MUC21: variants seen among roughly 807,000 people sequenced by gnomAD.
MUC21 encodes mucin-21.
A neutral mutation model predicts 9.1 loss-of-function variants in MUC21; 8 were observed. The observed-to-expected ratio is 0.88, with a 90% CI of 0.52 to 1.59. The LOEUF is 1.59. Ranked by LOEUF, MUC21 falls within the 40% of genes most tolerant of loss-of-function variation. The pLI, the probability that MUC21 is intolerant of heterozygous loss-of-function variation, is 0.00. For synonymous variants in MUC21, 189 were observed against 275.2 expected (o/e 0.69, Z 3.10); for missense variants, 478 against 694.2 (o/e 0.69, Z 3.50).
At position 30,986,966 on chromosome 6, in the gene MUC21, C is replaced by T. The variant is rs1762348376; in HGVS notation, c.791C>T (p.Ser264Phe). ...ACCAACTCTGAGTCCAGCACGACCT[C>T]CAGTGGGGCCGGCACAGCCACCAAC... ...TATNSESSTTSSGAGTATNSE... is the reference protein window; with the variant it reads ...TATNSESSTTFSGAGTATNSE... The change falls in exon 2 of 3, where the codon TCC becomes TTC. Residue 264 changes from serine to phenylalanine, a missense_variant. Ser to Phe is a radical substitution (Grantham distance 155, BLOSUM62 -2). Transcript: ENST00000376296. 6.3e-7 allele frequency: 1 copy of T among 1,580,378 alleles called. No individual in the cohort carries two copies. The highest frequency in any genetic ancestry group is 1.4e-5 in the African/African-American group (1 of 72,718).
rs1317371542 is a variant in MUC21, at chr6:30,988,419, C to T, written c.*225C>T. 4.0e-6 allele frequency: 2 copies of T among 496,962 alleles called. No individual in the cohort carries two copies. Among genetic ancestry groups the T allele is most frequent in the Middle Eastern group, 5.0e-4 (1 of 2,000 alleles). 30.8% of individuals were successfully genotyped at this position (496,962 alleles called of 1,614,324 possible). A position where few individuals can be genotyped will look rare whatever the true frequency, so the allele number is the denominator to read the frequency against. ...ATAAATACATCTCATCTAACACACACGACAAAGAGAAGCTGTGCGTGCCCC... is the reference window on the plus strand; with the variant it reads ...ATAAATACATCTCATCTAACACACATGACAAAGAGAAGCTGTGCGTGCCCC... On this transcript the variant is annotated 3_prime_UTR_variant, in exon 3 of 3. Coordinates refer to ENST00000376296, the MANE Select transcript of MUC21 (RefSeq NM_001010909.5).
intron 2 of MUC21, 73 bp from the exon 3 acceptor site, chr6:30,987,927 C>G: frequency 1.0e-6 from 1 of 993,094 alleles, no homozygotes; most frequent in South Asian, 1.3e-5. Context: ...GGAGAAGATT[C>G]CAGAAGGCGT....
At chr6:30,987,961 G>A (rs45486491) in intron 2 of MUC21, 39 bp from the exon 3 acceptor site, 37,902 of 993,932 alleles carry the variant, frequency 0.038, 1,110 homozygotes, top group South Asian at 0.086. Context: ...GTGGGAGACA[G>A]GGATGCAATT....
rs776734628 is a variant in MUC21, at chr6:30,986,890, A to G, written c.715A>G (p.Thr239Ala). The G allele has an allele frequency of 2.5e-5, 39 of 1,583,294 alleles. No individual in the cohort carries two copies. Among genetic ancestry groups the G allele is most frequent in the Non-Finnish European group, 2.6e-6 (3 of 1,163,006 alleles). The change falls in exon 2 of 3, where the codon ACA becomes GCA. Residue 239 changes from threonine (T) to alanine (A), a missense_variant. Around this residue, in one of 5 missense-constraint regions of MUC21, gnomAD observed 155 missense variants for 235.2 expected, o/e 0.66. Transcript: ENST00000376296. Reference sequence around the variant, plus strand: ...CAGCACGACCTCCAGTGGGGCCAGCACAGCCACCAACTCTGAGTCCAGCAC... The same window carrying G: ...CAGCACGACCTCCAGTGGGGCCAGCGCAGCCACCAACTCTGAGTCCAGCAC... The part of the protein sequence containing the change: ...ESSTTSSGAS[T>A]ATNSESSTPS...
At position 30,988,352 on chromosome 6, in the gene MUC21, GAC is replaced by G; in HGVS notation, c.*161_*162del. 1 of 638,704 alleles carries G rather than the reference GAC, an allele frequency of 1.6e-6. No individual in the cohort carries two copies. The highest frequency in any genetic ancestry group is 3.0e-5 in the Admixed American group (1 of 33,684). 39.6% of individuals were successfully genotyped at this position (638,704 alleles called of 1,614,324 possible). On this transcript the variant is annotated 3_prime_UTR_variant, in exon 3 of 3. Coordinates refer to ENST00000376296, the MANE Select transcript of MUC21 (RefSeq NM_001010909.5). ...TTCCTCACCTTTCTTGCCTTTACCAGACACTGGAAAGAGAATACTATATTGCT... is the reference window on the plus strand; with the variant it reads ...TTCCTCACCTTTCTTGCCTTTACCAGACTGGAAAGAGAATACTATATTGCT...
Position 30,987,775 on chromosome 6 carries a change from G to A in MUC21, c.1506+94G>A, listed in dbSNP as rs558315652. On this transcript the variant is annotated intron_variant, in intron 2 of 2. Transcript: ENST00000376296. Reference sequence around the variant, plus strand: ...ATAGAAGGGGTCTCAAGTCAGGGGTGGGTAGGGAGGAAGGGAGATCAGGAA... The same window carrying A: ...ATAGAAGGGGTCTCAAGTCAGGGGTAGGTAGGGAGGAAGGGAGATCAGGAA... 1.1e-3 allele frequency: 1,672 copies of A among 1,526,356 alleles called. 5 individuals carry two copies. Among genetic ancestry groups the A allele is most frequent in the Non-Finnish European group, 1.2e-3 (1,361 of 1,142,758 alleles). The allele number at this position is 1,526,356 out of a possible 1,614,324, so 94.6% of individuals were successfully genotyped here.
chr6:30,986,968 A>T lies in MUC21; in HGVS notation c.793A>T (p.Ser265Cys). Residue 265 changes from serine (S) to cysteine (C), a missense_variant, in exon 2 of 3, where the codon AGT becomes TGT. By Grantham distance (112) the Ser-to-Cys change is moderately radical. This residue lies in a region of MUC21 where 155 missense variants were observed against 235.2 expected (regional missense o/e 0.66). Transcript: ENST00000376296. The part of the protein sequence containing the change: ...ATNSESSTTS[S>C]GAGTATNSES... ...CAACTCTGAGTCCAGCACGACCTCC[A>T]GTGGGGCCGGCACAGCCACCAACTC... 6.3e-7 allele frequency: 1 copy of T among 1,579,810 alleles called. No homozygotes were observed. The highest frequency in any genetic ancestry group is 8.6e-7 in the Non-Finnish European group (1 of 1,160,490).
chr6:30,988,344 CT>C lies in MUC21; in HGVS notation c.*153del. 1 of 657,920 alleles carries C rather than the reference CT, an allele frequency of 1.5e-6. No individual in the cohort carries two copies. Among genetic ancestry groups the C allele is most frequent in the Non-Finnish European group, 2.5e-6 (1 of 392,676 alleles). The allele number at this position is 657,920 out of a possible 1,614,324, so 40.8% of individuals were successfully genotyped here. ...AGAAGGTATTCCTCACCTTTCTTGC[CT>C]TTACCAGACACTGGAAAGAGAATAC... On this transcript the variant is annotated 3_prime_UTR_variant, in exon 3 of 3. Coordinates refer to ENST00000376296, the MANE Select transcript of MUC21 (RefSeq NM_001010909.5).
chr6:30,988,521 A>C lies in MUC21; in HGVS notation c.*327A>C. ...TGCTGGACTCCATCTGGCATTCAAA[A>C]TCTCCACAGTAAAATCCAAAGACCT... On this transcript the variant is annotated 3_prime_UTR_variant, in exon 3 of 3. Transcript: ENST00000376296. The C allele has an allele frequency of 3.5e-6, 1 of 283,352 alleles. No homozygotes were observed. Among genetic ancestry groups the C allele is most frequent in the East Asian group, 6.4e-5 (1 of 15,664 alleles). 17.6% of individuals were successfully genotyped at this position (283,352 alleles called of 1,614,324 possible).
Position 30,987,126 on chromosome 6 carries a change from C to T in MUC21, c.951C>T (p.Asn317=), listed in dbSNP as rs41288677. 6 of 1,576,154 alleles carry T rather than the reference C, an allele frequency of 3.8e-6. No individual in the cohort carries two copies. Among genetic ancestry groups the T allele is most frequent in the African/African-American group, 1.4e-5 (1 of 72,362 alleles). The change falls in exon 2 of 3, where the codon AAC becomes AAT. Residue 317 remains asparagine (N), a synonymous_variant. Transcript: ENST00000376296. ...TTSSGANTAT[N]SDSSTTSSGA... ...CCAGTGGGGCCAACACAGCCACCAA[C>T]TCTGACTCCAGCACAACCTCCAGTG...
intron 1 of MUC21, among the ~76,000 whole-genome samples, chr6:30,984,713 G>A (rs1282151472): frequency 2.0e-5 from 3 of 151,904 alleles, no homozygotes; most frequent in African/African-American, 4.8e-5. Context: ...AGTGGCTCAC[G>A]CCTGTAATCT....
At position 30,986,561 on chromosome 6, in the gene MUC21, C is replaced by T. The variant is rs140780370; in HGVS notation, c.386C>T (p.Ser129Phe). 3.9e-4 allele frequency: 610 copies of T among 1,577,062 alleles called. 2 individuals are homozygous for T. The highest frequency in any genetic ancestry group is 2.2e-3 in the Middle Eastern group (13 of 5,876). Residue 129 changes from serine (S) to phenylalanine (F), a missense_variant, in exon 2 of 3, where the codon TCC becomes TTC. Ser to Phe is a radical substitution (Grantham distance 155, BLOSUM62 -2). Around this residue, in one of 5 missense-constraint regions of MUC21, gnomAD observed 53 missense variants for 139.1 expected, o/e 0.38. Coordinates refer to ENST00000376296, the MANE Select transcript of MUC21 (RefSeq NM_001010909.5). ...TATNSESSTP[S>F]SGASTATNSD... ...ACCAACTCTGAGTCCAGCACACCCT[C>T]CAGTGGGGCCAGCACAGCCACCAAC...
In MUC21 at chr6:30,988,323, G is replaced by A; in HGVS notation, c.*129G>A. The A allele has an allele frequency of 2.5e-6, 2 of 807,914 alleles. No homozygotes were observed. Among genetic ancestry groups the A allele is most frequent in the Non-Finnish European group, 3.8e-6 (2 of 526,872 alleles). The allele number at this position is 807,914 out of a possible 1,614,324, so 50.0% of individuals were successfully genotyped here. On this transcript the variant is annotated 3_prime_UTR_variant, in exon 3 of 3. Coordinates refer to ENST00000376296, the MANE Select transcript of MUC21 (RefSeq NM_001010909.5). Reference sequence around the variant, plus strand: ...TTGAGATCCTGAAAATCTTGAAGAAGGTATTCCTCACCTTTCTTGCCTTTA... The same window carrying A: ...TTGAGATCCTGAAAATCTTGAAGAAAGTATTCCTCACCTTTCTTGCCTTTA...
In MUC21 at chr6:30,983,822, AC is replaced by A. The variant is rs1762139163; in HGVS notation, c.-134del. The A allele has an allele frequency of 1.7e-6, 1 of 584,312 alleles. No individual in the cohort carries two copies. Among genetic ancestry groups the A allele is most frequent in the Non-Finnish European group, 3.1e-6 (1 of 326,346 alleles). The allele number at this position is 584,312 out of a possible 1,614,324, so 36.2% of individuals were successfully genotyped here. On this transcript the variant is annotated 5_prime_UTR_variant, in exon 1 of 3. Transcript: ENST00000376296. Reference sequence around the variant, plus strand: ...CTTCCCAGGAACACAAACGTAGGAGACCCACGCTCCTGGAAGCACCAGCCTT... The same window carrying A: ...CTTCCCAGGAACACAAACGTAGGAGACCACGCTCCTGGAAGCACCAGCCTT...
In MUC21 at chr6:30,988,227, G is replaced by A. The variant is rs766521012; in HGVS notation, c.*33G>A. 2 of 1,583,316 alleles carry A rather than the reference G, an allele frequency of 1.3e-6. No homozygotes were observed. Among genetic ancestry groups the A allele is most frequent in the Non-Finnish European group, 1.7e-6 (2 of 1,166,200 alleles). On this transcript the variant is annotated 3_prime_UTR_variant, in exon 3 of 3. Coordinates refer to ENST00000376296, the MANE Select transcript of MUC21 (RefSeq NM_001010909.5). Reference sequence around the variant, plus strand: ...CGGAAGCAAGTGCCGCATTCTTCAGGAAGGAAGAGACCTGGGCACCCAAGA... The same window carrying A: ...CGGAAGCAAGTGCCGCATTCTTCAGAAAGGAAGAGACCTGGGCACCCAAGA...
Position 30,987,682 on chromosome 6 carries a change from G to A in MUC21, c.1506+1G>A. On this transcript the variant is annotated splice_donor_variant, in intron 2 of 2. Transcript: ENST00000376296. LOFTEE classifies it high-confidence loss of function. Reference sequence around the variant, plus strand: ...CTTTGCTGGGCTCTTCTTCTGTGTGGTGAGTGCCTAATATGTAAGAAAATG... The same window carrying A: ...CTTTGCTGGGCTCTTCTTCTGTGTGATGAGTGCCTAATATGTAAGAAAATG... 1 of 1,612,414 alleles carries A rather than the reference G, an allele frequency of 6.2e-7. No individual in the cohort carries two copies. The highest frequency in any genetic ancestry group is 8.5e-7 in the Non-Finnish European group (1 of 1,179,526).
Position 30,983,824 on chromosome 6 carries a change from C to T in MUC21, c.-135C>T. The T allele has an allele frequency of 6.8e-6, 4 of 589,606 alleles. No homozygotes were observed. The highest frequency in any genetic ancestry group is 1.2e-5 in the Non-Finnish European group (4 of 329,008). The allele number at this position is 589,606 out of a possible 1,614,324, so 36.5% of individuals were successfully genotyped here. A position where few individuals can be genotyped will look rare whatever the true frequency, so the allele number is the denominator to read the frequency against. ...TCCCAGGAACACAAACGTAGGAGACCCACGCTCCTGGAAGCACCAGCCTTT... is the reference window on the plus strand; with the variant it reads ...TCCCAGGAACACAAACGTAGGAGACTCACGCTCCTGGAAGCACCAGCCTTT... On this transcript the variant is annotated 5_prime_UTR_variant, in exon 1 of 3. Transcript: ENST00000376296.
At position 30,987,091 on chromosome 6, in the gene MUC21, A is replaced by C; in HGVS notation, c.916A>C (p.Ser306Arg). The change falls in exon 2 of 3, where the codon AGT (serine) becomes CGT (arginine). Residue 306 changes from serine to arginine, a missense_variant. Coordinates refer to ENST00000376296, the MANE Select transcript of MUC21 (RefSeq NM_001010909.5). ...GANTATNSES[S>R]TTSSGANTAT... is the part of the protein sequence containing the mutation. ...CAACACAGCCACCAACTCTGAGTCC[A>C]GTACGACCTCCAGTGGGGCCAACAC... 6.3e-7 allele frequency: 1 copy of C among 1,580,912 alleles called. No homozygotes were observed. The highest frequency in any genetic ancestry group is 8.6e-7 in the Non-Finnish European group (1 of 1,157,872).
Position 30,986,298 on chromosome 6 carries a change from A to C in MUC21, c.123A>C (p.Gly41=). ...CTGGATCCAGTGTGATCTCCAGTGGAGCCAGCACAGCCACCAACTCTGGGT... is the reference window on the plus strand; with the variant it reads ...CTGGATCCAGTGTGATCTCCAGTGGCGCCAGCACAGCCACCAACTCTGGGT... ...ANTGSSVISS[G]ASTATNSGSS... Residue 41 remains glycine (G), a synonymous_variant, in exon 2 of 3, where the codon GGA becomes GGC. Coordinates refer to ENST00000376296, the MANE Select transcript of MUC21 (RefSeq NM_001010909.5). The C allele has an allele frequency of 1.3e-6, 2 of 1,516,064 alleles. No individual in the cohort carries two copies. The highest frequency in any genetic ancestry group is 1.8e-6 in the Non-Finnish European group (2 of 1,100,932). The allele number at this position is 1,516,064 out of a possible 1,614,324, so 93.9% of individuals were successfully genotyped here. A position where few individuals can be genotyped will look rare whatever the true frequency, so the allele number is the denominator to read the frequency against.
Sources: gnomAD v4.1 joint callset for allele counts (sites outside exome capture counted in the v4.1 genomes callset) on GRCh38, gnomAD v4.1.1 for gene constraint, gnomAD v4.1.1 regional missense constraint, MANE v1.5 for transcripts, NCBI Gene and HGNC (gene_info 2026-07-23, HGNC 2026-07-21) for gene names.